TMEM178B: variants seen among roughly 807,000 people sequenced by gnomAD.
TMEM178B encodes transmembrane protein 178B.
Under a neutral mutation model 31.0 loss-of-function variants are expected in TMEM178B, and 5 were observed. The observed-to-expected ratio is 0.16, with a 90% confidence interval of 0.08 to 0.34. The LOEUF is 0.34. Among genes scored for constraint, TMEM178B ranks in the 10% least tolerant of loss-of-function variants. The probability of loss-of-function intolerance (pLI) is 1.00; values close to 1 mark genes in which losing one functional copy is unlikely to be tolerated. For synonymous variants in TMEM178B, 164 were observed against 164.0 expected, an observed-to-expected ratio of 1.00 and a Z score of 0.00; for missense variants, 275 against 400.3, an observed-to-expected ratio of 0.69 and a Z score of 2.67.
chr7:141,441,411 C>T (rs773331825), intron 3 of TMEM178B, among the ~76,000 whole-genome samples: 3 of 152,150 alleles, frequency 2.0e-5, no homozygotes, highest in South Asian at 2.1e-4. Context: ...ATCAGCCACT[C>T]GAACCATAGA....
intron 2 of TMEM178B, among the ~76,000 whole-genome samples, chr7:141,405,191 G>C (rs1200180465): frequency 1.3e-5 from 2 of 152,250 alleles, no homozygotes; most frequent in African/African-American, 4.8e-5. Flanking sequence ...GGAGGGCATA[G>C]GGATATAGGA....
chr7:141,500,103 T>C, the TMEM178B span, among the ~76,000 whole-genome samples: 3 of 152,188 alleles, frequency 2.0e-5, no homozygotes, highest in African/African-American at 7.2e-5. Context: ...GCATCCAGAT[T>C]GAGAATGATA....
intron 2 of TMEM178B, among the ~76,000 whole-genome samples, chr7:141,377,089 G>A (rs966050610): frequency 1.3e-5 from 2 of 151,858 alleles, no homozygotes; most frequent in South Asian, 2.1e-4. Context: ...AAATGTGATA[G>A]TTTGCTTTGA....
rs560145880 is a variant in TMEM178B at position 141,232,966 on chromosome 7, G to A, written c.496+20262G>A. On this transcript the variant is annotated intron_variant, in intron 2 of 3. Coordinates refer to ENST00000565468, the MANE Select transcript of TMEM178B (RefSeq NM_001195278.2). Reference sequence around the variant, plus strand: ...CAGCTGTGAGCTGCCCTCCCTAAAAGCCAGAGGGGAGTGGATGATGCCACT... The same window carrying A: ...CAGCTGTGAGCTGCCCTCCCTAAAAACCAGAGGGGAGTGGATGATGCCACT... Among the ~76,000 whole-genome samples, 3 of 152,336 alleles carry A rather than the reference G, an allele frequency of 2.0e-5. No homozygotes were observed. In the South Asian group the frequency reaches 6.2e-4, roughly 32 times the overall value.
chr7:141,100,163 C>T (rs1795031047), intron 1 of TMEM178B, among the ~76,000 whole-genome samples: 1 of 151,770 alleles, frequency 6.6e-6, no homozygotes, highest in African/African-American at 2.4e-5. Flanking sequence ...ATCACCTGGG[C>T]AGTTTTAGAA....
At chr7:141,264,828 T>C (rs1248015782) in intron 2 of TMEM178B, among the ~76,000 whole-genome samples, 1 of 152,208 alleles carries the variant, frequency 6.6e-6, no homozygotes, top group Non-Finnish European at 1.5e-5. Flanking sequence ...GATACCAAGT[T>C]GCATGGGAGG....
At chr7:141,210,980 T>G (rs958056326) in intron 1 of TMEM178B, among the ~76,000 whole-genome samples, 6 of 152,112 alleles carry the variant, frequency 3.9e-5, no homozygotes, top group Non-Finnish European at 8.8e-5. Flanking sequence ...GGATTTATGA[T>G]GTAGACTGGA....
intron 2 of TMEM178B, among the ~76,000 whole-genome samples, chr7:141,229,676 A>C (rs1387259855): frequency 6.6e-6 from 1 of 152,164 alleles, no homozygotes; most frequent in Non-Finnish European, 1.5e-5. Context: ...TAATCCCAGC[A>C]CTTTGGGAGG....
chr7:141,332,260 C>G (rs111890987), intron 2 of TMEM178B, among the ~76,000 whole-genome samples: 1,951 of 152,320 alleles, frequency 0.013, 50 homozygotes, highest in African/African-American at 0.044. Context: ...AACTCTCATT[C>G]TTTTAATTAC....
chr7:141,205,748 T>G (rs997611896), intron 1 of TMEM178B, among the ~76,000 whole-genome samples: 1 of 152,214 alleles, frequency 6.6e-6, no homozygotes, highest in Non-Finnish European at 1.5e-5. Flanking sequence ...CTGCTTAATA[T>G]ATATTACCCT....
rs1277064545 is a variant in TMEM178B at position 141,474,831 on chromosome 7, AT to A, written c.*4047del. 6.6e-6 allele frequency: 1 copy of A among 152,210 alleles called. No individual in the cohort carries two copies. Among genetic ancestry groups the A allele is most frequent in the Admixed American group, 6.5e-5 (1 of 15,280 alleles). 9.4% of individuals were successfully genotyped at this position (152,210 alleles called of 1,614,324 possible). Reference sequence around the variant, plus strand: ...CTCCAAAGATGCCCACCTGGGTCAAATTCAGAATAATGAACTCAGGTACATC... The same window carrying A: ...CTCCAAAGATGCCCACCTGGGTCAAATCAGAATAATGAACTCAGGTACATC... On this transcript the variant is annotated 3_prime_UTR_variant, in exon 4 of 4. Coordinates refer to ENST00000565468, the MANE Select transcript of TMEM178B (RefSeq NM_001195278.2).
intron 2 of TMEM178B, among the ~76,000 whole-genome samples, chr7:141,420,642 A>G (rs1306491617): frequency 3.9e-5 from 6 of 152,128 alleles, no homozygotes; most frequent in Non-Finnish European, 7.3e-5. Flanking sequence ...ATGAGTGGAG[A>G]GAAGGAAGCA....
At chr7:141,364,453 G>A (rs1447942147) in intron 2 of TMEM178B, among the ~76,000 whole-genome samples, 1 of 152,072 alleles carries the variant, frequency 6.6e-6, no homozygotes, top group Admixed American at 6.5e-5. Flanking sequence ...GAGGTCAGGA[G>A]ATCGAGACCA....
At chr7:141,423,511 A>G (rs1184366469) in intron 2 of TMEM178B, among the ~76,000 whole-genome samples, 2 of 152,196 alleles carry the variant, frequency 1.3e-5, no homozygotes, top group Non-Finnish European at 2.9e-5. Flanking sequence ...GCTGGTGGCT[A>G]CCATATTAGA....
chr7:141,253,097 C>T (rs1797861630), intron 2 of TMEM178B, among the ~76,000 whole-genome samples: 1 of 152,242 alleles, frequency 6.6e-6, no homozygotes, highest in Admixed American at 6.5e-5. Context: ...ACATCTTGTG[C>T]AAAGTGGCCT....
At chr7:141,333,941 T>C (rs1424035003) in intron 2 of TMEM178B, among the ~76,000 whole-genome samples, 2 of 152,092 alleles carry the variant, frequency 1.3e-5, no homozygotes, top group African/African-American at 2.4e-5. Flanking sequence ...CTGGCGGTAA[T>C]GCTCACTCAC....
At chr7:141,126,105 G>A (rs1336628725) in intron 1 of TMEM178B, among the ~76,000 whole-genome samples, 1 of 152,216 alleles carries the variant, frequency 6.6e-6, no homozygotes, top group East Asian at 1.9e-4. Context: ...TGATCAAATA[G>A]TTGGTTTGGT....
At chr7:141,445,281 A>G (rs1434780659) in intron 3 of TMEM178B, among the ~76,000 whole-genome samples, 2 of 152,190 alleles carry the variant, frequency 1.3e-5, no homozygotes, top group African/African-American at 4.8e-5. Context: ...GCTGCTAGAC[A>G]AAGACCTTCA....
At chr7:141,250,566 C>A (rs1797814647) in intron 2 of TMEM178B, among the ~76,000 whole-genome samples, 2 of 152,150 alleles carry the variant, frequency 1.3e-5, no homozygotes, top group South Asian at 4.1e-4. Flanking sequence ...GGAAAGAACA[C>A]AGGATGGAGT....
Sources: allele counts gnomAD v4.1 joint callset (sites outside exome capture counted in the v4.1 genomes callset), GRCh38; gene constraint gnomAD v4.1.1; transcripts MANE v1.5; gene names NCBI Gene and HGNC (gene_info 2026-07-23, HGNC 2026-07-21).